Variants in MICAL3 observed in about 807,000 individuals in gnomAD.
MICAL3 encodes [F-actin]-monooxygenase MICAL3.
In MICAL3, 62 loss-of-function variants were observed where a neutral mutation model predicts 207.4. That is an observed-to-expected ratio of 0.30 (90% CI 0.24 to 0.37). The LOEUF (loss-of-function observed/expected upper bound fraction) is 0.37. MICAL3 is among the 10% of genes least tolerant of loss of function. The pLI is 1.00. For missense variants in MICAL3, 2,368 were observed against 2,635.6 expected, an observed-to-expected ratio of 0.90 and a Z score of 2.22; for synonymous variants, 1,077 against 1,069.3, an observed-to-expected ratio of 1.01 and a Z score of -0.14.
At chr22:17,833,659 G>A (rs980950312) in intron 20 of MICAL3, among the ~76,000 whole-genome samples, 5 of 152,176 alleles carry the variant, frequency 3.3e-5, no homozygotes, top group Non-Finnish European at 7.3e-5. Context: ...ACTGTTTGCC[G>A]GAGACCCCGG....
At chr22:17,830,637 A>G (rs767862635) in intron 21 of MICAL3, among the ~76,000 whole-genome samples, 3 of 152,180 alleles carry the variant, frequency 2.0e-5, no homozygotes, top group Non-Finnish European at 4.4e-5. Flanking sequence ...CAGACACGGC[A>G]GCATGGAGGG....
intron 1 of MICAL3, among the ~76,000 whole-genome samples, chr22:17,916,976 T>C (rs1460268824): frequency 6.6e-6 from 1 of 152,190 alleles, no homozygotes; most frequent in Non-Finnish European, 1.5e-5. Flanking sequence ...AATTCCCCTA[T>C]CAGTTGGCAT....
At chr22:18,013,189 C>T (rs1923854925) in intron 1 of MICAL3, among the ~76,000 whole-genome samples, 1 of 152,230 alleles carries the variant, frequency 6.6e-6, no homozygotes, top group African/African-American at 2.4e-5. Context: ...CTTGAGATCT[C>T]TTCAGCTGGC....
rs568711217 is a variant in MICAL3, at chr22:17,886,691, G to C, written c.2067+479C>G. On this transcript the variant is annotated intron_variant, in intron 15 of 31. Coordinates refer to ENST00000441493, the MANE Select transcript of MICAL3 (RefSeq NM_015241.3). ...ATGGTGATGCACACCTGTAATCCCA[G>C]CTACTTGGGAGGCTGAGGCATGAGA... Among the ~76,000 whole-genome samples, 4 of 152,020 alleles carry C rather than the reference G, an allele frequency of 2.6e-5. No homozygotes were observed. In the South Asian group the frequency reaches 6.2e-4, roughly 24 times the overall value.
rs1483459675 is a variant in MICAL3 at position 17,832,028 on chromosome 22, C to T, written c.2881G>A (p.Val961Ile). 1 of 1,606,868 alleles carries T rather than the reference C, an allele frequency of 6.2e-7. No individual in the cohort carries two copies. Among genetic ancestry groups the T allele is most frequent in the East Asian group, 2.2e-5 (1 of 44,674 alleles). The change falls in exon 21 of 32, where the codon GTT becomes ATT. Residue 961 changes from valine to isoleucine, a missense_variant. By Grantham distance (29) the Val-to-Ile change is conservative. This residue lies in a region of MICAL3 where 1,770 missense variants were observed against 1,863.2 expected (regional missense o/e 0.95). Coordinates refer to ENST00000441493, the MANE Select transcript of MICAL3 (RefSeq NM_015241.3). ...PRLPPSDLGG[V>I]PWKEAVRIHA... ...ATCCGCACGGCCTCCTTCCACGGAA[C>T]ACCACCCAGGTCAGATGGGGGCAGG...
intron 17 of MICAL3, among the ~76,000 whole-genome samples, chr22:17,866,946 T>A (rs939383153): frequency 1.3e-5 from 2 of 152,226 alleles, no homozygotes; most frequent in African/African-American, 4.8e-5. Flanking sequence ...CTATAGAAAC[T>A]GTTGAAACAG....
chr22:17,870,386 C>A (rs1260935385), intron 17 of MICAL3, among the ~76,000 whole-genome samples: 1 of 152,146 alleles, frequency 6.6e-6, no homozygotes, highest in Non-Finnish European at 1.5e-5. Flanking sequence ...TGTAACCGAG[C>A]CTTTCGCTGC....
intron 29 of MICAL3, chr22:17,791,561 T>C: frequency 1.8e-6 from 1 of 541,204 alleles, no homozygotes; most frequent in East Asian, 3.3e-5. Context: ...CCGGGGCTGG[T>C]TTCTACCCCT....
At chr22:17,875,409 C>A in intron 16 of MICAL3, 1 of 1,327,208 alleles carries the variant, frequency 7.5e-7, no homozygotes, top group Non-Finnish European at 1.0e-6. Flanking sequence ...GTGGAGGCTG[C>A]GGAGGGCAGA....
At chr22:17,976,580 TATATATA>T (rs1392186129) in intron 1 of MICAL3, among the ~76,000 whole-genome samples, 63 of 100,660 alleles carry the variant, frequency 6.3e-4, no homozygotes, top group Middle Eastern at 5.6e-3. Flanking sequence ...TATATATATA[TATATATA>T]TATTTTTTTT....
In MICAL3 at chr22:17,889,177, A is replaced by G. The variant is rs1397271028; in HGVS notation, c.1748T>C (p.Phe583Ser). 3 of 1,613,928 alleles carry G rather than the reference A, an allele frequency of 1.9e-6. No homozygotes were observed. The South Asian group carries it at 3.3e-5, about 18-fold the overall frequency. Residue 583 changes from phenylalanine to serine, a missense_variant, in exon 13 of 32, where the codon TTT becomes TCT. Physicochemically the swap from Phe to Ser is radical, Grantham distance 155 (BLOSUM62 -2). This residue lies in a region of MICAL3 where 51 missense variants were observed against 87.8 expected (regional missense o/e 0.58). Transcript: ENST00000441493. ...QNVEKNNQLAFDIAEKELGIS... is the reference protein window; with the variant it reads ...QNVEKNNQLASDIAEKELGIS... ...GCCCAATTCCTTCTCAGCAATGTCA[A>G]AGGCCAGTTGGTTATTCTTCTCCAC...
intron 1 of MICAL3, among the ~76,000 whole-genome samples, chr22:17,994,301 T>C (rs1922035634): frequency 6.6e-6 from 1 of 152,192 alleles, no homozygotes; most frequent in Non-Finnish European, 1.5e-5. Context: ...GCCATTCCCC[T>C]GGGGGCTCCA....
intron 22 of MICAL3, among the ~76,000 whole-genome samples, 178 bp from the exon 23 acceptor site, chr22:17,823,238 C>T (rs527954057): frequency 6.6e-6 from 1 of 152,298 alleles, no homozygotes; most frequent in East Asian, 1.9e-4. Context: ...TGGGGGGGGC[C>T]CGGGGCCCCC....
In MICAL3 at chr22:17,790,137, G is replaced by A. The variant is rs1001684258; in HGVS notation, c.*595C>T. 8 of 152,334 alleles carry A rather than the reference G, an allele frequency of 5.3e-5. No homozygotes were observed. Among genetic ancestry groups the A allele is most frequent in the South Asian group, 2.1e-4 (1 of 4,832 alleles). The allele number at this position is 152,334 out of a possible 1,614,324, so 9.4% of individuals were successfully genotyped here. A position where few individuals can be genotyped will look rare whatever the true frequency, so the allele number is the denominator to read the frequency against. On this transcript the variant is annotated 3_prime_UTR_variant, in exon 32 of 32. Coordinates refer to ENST00000441493, the MANE Select transcript of MICAL3 (RefSeq NM_015241.3). ...ACTTAGGGTCCAGTGTGTGGTGTTC[G>A]GCTGGAGGGCAGACCCCTCCTGCGT...
At chr22:17,940,144 A>T (rs1933740503) in intron 1 of MICAL3, among the ~76,000 whole-genome samples, 1 of 152,254 alleles carries the variant, frequency 6.6e-6, no homozygotes, top group Non-Finnish European at 1.5e-5. Context: ...TCAATGTATC[A>T]ATCAATTGTC....
chr22:17,866,766 A>C (rs1215522972), intron 17 of MICAL3, among the ~76,000 whole-genome samples: 1 of 152,252 alleles, frequency 6.6e-6, no homozygotes, highest in African/African-American at 2.4e-5. Flanking sequence ...TCTCAATGTA[A>C]CGTGCATCCC....
intron 1 of MICAL3, among the ~76,000 whole-genome samples, chr22:17,945,735 C>T: frequency 6.6e-6 from 1 of 152,194 alleles, no homozygotes; most frequent in East Asian, 1.9e-4. Flanking sequence ...CCAGTCTAGC[C>T]TCCCACATCA....
At chr22:17,865,157 C>G (rs1926953485) in intron 18 of MICAL3, among the ~76,000 whole-genome samples, 171 bp from the exon 19 acceptor site, 1 of 151,966 alleles carries the variant, frequency 6.6e-6, no homozygotes, top group South Asian at 2.1e-4. Flanking sequence ...GGCACCCAGG[C>G]TGGAGTGCAG....
intron 26 of MICAL3, 125 bp from the exon 27 acceptor site, chr22:17,816,909 G>T: frequency 1.3e-6 from 1 of 741,010 alleles, no homozygotes; most frequent in Non-Finnish European, 2.3e-6. Flanking sequence ...TAGTTTAAGG[G>T]ATCCATCCCC....
Sources: allele counts gnomAD v4.1 joint callset (sites outside exome capture counted in the v4.1 genomes callset), GRCh38; gene constraint gnomAD v4.1.1; regional missense constraint gnomAD v4.1.1; transcripts MANE v1.5; gene names NCBI Gene and HGNC (gene_info 2026-07-23, HGNC 2026-07-21).